CNTN5: variants seen among roughly 807,000 people sequenced by gnomAD.
CNTN5 encodes contactin 5, also known as contactin-5.
Under a neutral mutation model 129.1 loss-of-function variants are expected in CNTN5, and 77 were observed. The ratio of observed to expected loss-of-function variants is 0.60; its 90% CI spans 0.50 to 0.72. The LOEUF (loss-of-function observed/expected upper bound fraction) is 0.72, where lower values mean the gene tolerates loss of function less well. CNTN5 is among the 30% of genes least tolerant of loss of function. The pLI is 0.00. For missense variants in CNTN5, 1,478 were observed against 1,328.8 expected (o/e 1.11, Z -1.75); for synonymous variants, 509 against 465.6 (o/e 1.09, Z -1.20).
intron 21 of CNTN5, among the ~76,000 whole-genome samples, chr11:100,324,361 C>T (rs1951750928): frequency 6.6e-6 from 1 of 152,118 alleles, no homozygotes; most frequent in Non-Finnish European, 1.5e-5. Context: ...TAATTAGTAG[C>T]TACTTGTAGC....
chr11:99,744,595 C>T (rs916860919), intron 3 of CNTN5, among the ~76,000 whole-genome samples: 1 of 135,038 alleles, frequency 7.4e-6, no homozygotes, highest in Non-Finnish European at 1.6e-5. Flanking sequence ...TGGTAGCTGC[C>T]TGCAGTTCCA....
At chr11:99,815,908 T>A (rs1946571523) in intron 3 of CNTN5, among the ~76,000 whole-genome samples, 1 of 152,172 alleles carries the variant, frequency 6.6e-6, no homozygotes, top group Non-Finnish European at 1.5e-5. Context: ...TTTAACACCC[T>A]TTCAGTTTCT....
chr11:99,164,405 A>G (rs1860777084), intron 1 of CNTN5, among the ~76,000 whole-genome samples: 1 of 152,086 alleles, frequency 6.6e-6, no homozygotes, highest in Admixed American at 6.6e-5. Flanking sequence ...GAGCAATACA[A>G]TACTTTAAAA....
intron 1 of CNTN5, among the ~76,000 whole-genome samples, chr11:99,044,766 T>C (rs1864140342): frequency 6.6e-6 from 1 of 152,170 alleles, no homozygotes; most frequent in Non-Finnish European, 1.5e-5. Context: ...TCGGGTCCTC[T>C]ATAAAGTGTC....
At chr11:99,490,035 G>A (rs749021357) in intron 2 of CNTN5, among the ~76,000 whole-genome samples, 2 of 152,174 alleles carry the variant, frequency 1.3e-5, no homozygotes, top group South Asian at 2.1e-4. Context: ...ATTCAGACAC[G>A]TTATTTCACT....
chr11:100,281,556 CTTGAGGCA>C (rs1950640675), intron 18 of CNTN5, among the ~76,000 whole-genome samples: 1 of 152,046 alleles, frequency 6.6e-6, no homozygotes, highest in Non-Finnish European at 1.5e-5. Flanking sequence ...TATTAACTGT[CTTGAGGCA>C]TTGTTCTTTG....
intron 6 of CNTN5, among the ~76,000 whole-genome samples, chr11:99,894,063 G>T (rs1949134456): frequency 6.6e-6 from 1 of 151,928 alleles, no homozygotes; most frequent in Non-Finnish European, 1.5e-5. Context: ...CTTTTATTAA[G>T]CAAGATGAAA....
intron 1 of CNTN5, among the ~76,000 whole-genome samples, chr11:99,228,189 G>GAGAT (rs965678039): frequency 6.6e-6 from 1 of 151,968 alleles, no homozygotes; most frequent in African/African-American, 2.4e-5. Context: ...GTGAACTTTT[G>GAGAT]AGATATTATT....
chr11:99,358,847 A>T (rs543758803), intron 2 of CNTN5, among the ~76,000 whole-genome samples: 6 of 152,290 alleles, frequency 3.9e-5, no homozygotes, highest in South Asian at 2.1e-4. Flanking sequence ...AGGAAACTCA[A>T]ACCCCTCAGA....
At chr11:100,084,314 A>G (rs1408118641) in intron 13 of CNTN5, among the ~76,000 whole-genome samples, 1 of 152,134 alleles carries the variant, frequency 6.6e-6, no homozygotes, top group African/African-American at 2.4e-5. Context: ...ATCTAAGTAT[A>G]TGCTCCTAAC....
chr11:99,938,259 C>G (rs1950359090), intron 7 of CNTN5, among the ~76,000 whole-genome samples: 1 of 152,104 alleles, frequency 6.6e-6, no homozygotes, highest in African/African-American at 2.4e-5. Context: ...AAACCATACC[C>G]ATGTCTTGTA....
intron 1 of CNTN5, among the ~76,000 whole-genome samples, chr11:99,065,180 A>G (rs1347437139): frequency 1.3e-5 from 2 of 152,052 alleles, no homozygotes; most frequent in African/African-American, 2.4e-5. Context: ...CCCATTATAG[A>G]TGAAAATATA....
chr11:99,825,570 G>A (rs1159222320), intron 4 of CNTN5, among the ~76,000 whole-genome samples: 1 of 151,844 alleles, frequency 6.6e-6, no homozygotes, highest in Non-Finnish European at 1.5e-5. Context: ...CATATTTTGT[G>A]GTAAAAAGGA....
intron 23 of CNTN5, among the ~76,000 whole-genome samples, chr11:100,343,815 T>G (rs960326503): frequency 6.6e-6 from 1 of 151,972 alleles, no homozygotes; most frequent in African/African-American, 2.4e-5. Flanking sequence ...TCCTACTACA[T>G]CCCAAAAATT....
intron 6 of CNTN5, among the ~76,000 whole-genome samples, chr11:99,878,816 A>G (rs1948699345): frequency 6.6e-6 from 1 of 152,060 alleles, no homozygotes; most frequent in Non-Finnish European, 1.5e-5. Flanking sequence ...GATTGGGCCA[A>G]TGCACTCCAG....
chr11:99,650,301 G>T (rs1322267280), intron 3 of CNTN5, among the ~76,000 whole-genome samples: 1 of 151,872 alleles, frequency 6.6e-6, no homozygotes, highest in East Asian at 1.9e-4. Flanking sequence ...ATCTAATGGG[G>T]AGTCAGATAT....
chr11:99,020,962 G>T lies in CNTN5; in HGVS notation c.-518G>T, dbSNP rs887513089. 6.5e-6 allele frequency: 1 copy of T among 152,682 alleles called. No individual in the cohort carries two copies. Among genetic ancestry groups the T allele is most frequent in the African/African-American group, 2.4e-5 (1 of 41,468 alleles). The allele number at this position is 152,682 out of a possible 1,614,324, so 9.5% of individuals were successfully genotyped here. ...CGAGCCCCAAACACACCAGCCGCAG[G>T]AGGCGCCGCACCTACTTCCCAATAT... On this transcript the variant is annotated 5_prime_UTR_variant, in exon 1 of 25. Transcript: ENST00000524871.
intron 17 of CNTN5, among the ~76,000 whole-genome samples, chr11:100,260,857 C>T (rs568721472): frequency 1.3e-5 from 2 of 152,138 alleles, no homozygotes; most frequent in Admixed American, 1.3e-4. Flanking sequence ...TGGGCAAAAA[C>T]TGGAAGCATC....
intron 1 of CNTN5, among the ~76,000 whole-genome samples, chr11:99,124,000 G>A (rs1264139802): frequency 6.6e-6 from 1 of 151,748 alleles, no homozygotes; most frequent in Non-Finnish European, 1.5e-5. Context: ...TCTTAGATTT[G>A]TGTTGCCTAT....
Sources: allele counts gnomAD v4.1 joint callset (sites outside exome capture counted in the v4.1 genomes callset), GRCh38; gene constraint gnomAD v4.1.1; transcripts MANE v1.5; gene names NCBI Gene and HGNC (gene_info 2026-07-23, HGNC 2026-07-21).